Variants in BPTF observed in about 807,000 individuals in gnomAD.
The protein encoded by BPTF is nucleosome-remodeling factor subunit BPTF.
A neutral mutation model predicts 292.5 loss-of-function variants in BPTF; 18 were observed. That is an observed-to-expected ratio of 0.06 (90% CI 0.04 to 0.09). The LOEUF (loss-of-function observed/expected upper bound fraction) is 0.09. Among genes scored for constraint, BPTF ranks in the 10% least tolerant of loss-of-function variants. BPTF has a pLI of 1.00. For synonymous variants in BPTF, 1,225 were observed against 1,251.9 expected, an observed-to-expected ratio of 0.98 and a Z score of 0.45; for missense variants, 2,726 against 3,498.7, an observed-to-expected ratio of 0.78 and a Z score of 5.57.
chr17:67,906,220 A>G (rs2062181739), intron 9 of BPTF, among the ~76,000 whole-genome samples: 1 of 152,018 alleles, frequency 6.6e-6, no homozygotes, highest in South Asian at 2.1e-4. Context: ...AGCTGGGACT[A>G]AAAGTGCACA....
chr17:67,911,551 G>A lies in BPTF; in HGVS notation c.3667G>A (p.Ala1223Thr), dbSNP rs533458266. The part of the protein sequence containing the change: ...FFIDDSKLAS[A>T]DDIGTLICKN... ...CATCGATGACTCTAAACTAGCCAGT[G>A]CAGATGATATTGGTACTTTGATCTG... The change falls in exon 11 of 28, where the codon GCA (alanine) becomes ACA (threonine). Residue 1223 changes from alanine (A) to threonine (T), a missense_variant. Transcript: ENST00000306378. The A allele has an allele frequency of 3.1e-6, 5 of 1,614,148 alleles. No individual in the cohort carries two copies. The African/African-American group carries it at 4.0e-5, about 13-fold the overall frequency.
chr17:67,866,879 C>G (rs764415539), intron 3 of BPTF, among the ~76,000 whole-genome samples, 192 bp downstream of exon 3: 9 of 152,220 alleles, frequency 5.9e-5, no homozygotes, highest in Non-Finnish European at 1.0e-4. Context: ...AGTACACTTA[C>G]ACAAACCATA....
intron 26 of BPTF, among the ~76,000 whole-genome samples, chr17:67,971,136 T>C (rs1190432967): frequency 2.6e-5 from 4 of 152,154 alleles, no homozygotes; most frequent in African/African-American, 4.8e-5. Flanking sequence ...TGGAGTGCAG[T>C]GGCGCTATCT....
chr17:67,833,443 T>G (rs899858187), intron 1 of BPTF, among the ~76,000 whole-genome samples: 2 of 152,186 alleles, frequency 1.3e-5, no homozygotes, highest in Admixed American at 6.5e-5. Flanking sequence ...GTTTCCACTT[T>G]TTGGCCATTA....
intron 7 of BPTF, among the ~76,000 whole-genome samples, chr17:67,902,895 G>T (rs574321371): frequency 1.3e-5 from 2 of 152,308 alleles, no homozygotes; most frequent in Non-Finnish European, 2.9e-5. Flanking sequence ...TGCCACTAGC[G>T]CTCTTAGAGA....
intron 11 of BPTF, among the ~76,000 whole-genome samples, chr17:67,918,104 T>G (rs1340093811): frequency 6.6e-6 from 1 of 151,932 alleles, no homozygotes; most frequent in East Asian, 1.9e-4. Context: ...CGGCCCTAAG[T>G]TTTGTATTTT....
At chr17:67,919,173 AAATAATAATAATAATAAT>A (rs141658141) in intron 12 of BPTF, among the ~76,000 whole-genome samples, 2,582 of 135,520 alleles carry the variant, frequency 0.019, 68 homozygotes, top group African/African-American at 0.06. Context: ...CTCTGTCTCA[AAATAATAATAATAATAAT>A]AATAATAATA....
intron 23 of BPTF, chr17:67,956,637 A>C (rs1195092565): frequency 6.6e-6 from 1 of 151,570 alleles, no homozygotes; most frequent in Non-Finnish European, 1.5e-5. Context: ...TAAAGAAGGA[A>C]AAATAAAATT....
chr17:67,859,052 TCA>T (rs1272057455), intron 2 of BPTF, among the ~76,000 whole-genome samples: 1 of 152,220 alleles, frequency 6.6e-6, no homozygotes, highest in Non-Finnish European at 1.5e-5. Flanking sequence ...CATGTGTGCC[TCA>T]CAGTGTCCTA....
intron 5 of BPTF, chr17:67,893,088 A>G: frequency 7.9e-6 from 3 of 378,228 alleles, no homozygotes; most frequent in Non-Finnish European, 1.4e-5. Flanking sequence ...TTTCATGGGT[A>G]TATTTGAAGT....
At chr17:67,907,158 C>A (rs2062262503) in intron 9 of BPTF, among the ~76,000 whole-genome samples, 1 of 145,486 alleles carries the variant, frequency 6.9e-6, no homozygotes, top group Non-Finnish European at 1.5e-5. Flanking sequence ...GTGCTCCAGC[C>A]TGGGTGACAG....
rs764625598 is a variant in BPTF at position 67,912,621 on chromosome 17, T to C, written c.4737T>C (p.Ser1579=). 6.8e-6 allele frequency: 11 copies of C among 1,612,878 alleles called. No individual in the cohort carries two copies. Among genetic ancestry groups the C allele is most frequent in the Non-Finnish European group, 9.3e-6 (11 of 1,179,818 alleles). Residue 1579 remains serine, a synonymous_variant, in exon 11 of 28, where the codon TCT becomes TCC. Coordinates refer to ENST00000306378, the MANE Select transcript of BPTF (RefSeq NM_182641.4). The part of the protein sequence containing the change: ...INKNENVNGE[S]KRKTVITEVT... ...AAAATGAAAATGTCAATGGAGAATC[T>C]AAAAGAAAAACCGTCATCACAGAAG... is the stretch of plus-strand genomic sequence containing the variant.
intron 7 of BPTF, among the ~76,000 whole-genome samples, chr17:67,897,246 C>T (rs1239158943): frequency 6.9e-6 from 1 of 143,930 alleles, no homozygotes; most frequent in Non-Finnish European, 1.5e-5. Context: ...GAGGCTGAGG[C>T]ATGAGAATCG....
At chr17:67,927,419 A>G (rs186705754) in intron 15 of BPTF, among the ~76,000 whole-genome samples, 29 of 152,352 alleles carry the variant, frequency 1.9e-4, no homozygotes, top group African/African-American at 6.7e-4. Context: ...AGATTGTATT[A>G]TACTACTCTG....
intron 27 of BPTF, chr17:67,981,893 A>ACACACACACACACACACC (rs2070417004): frequency 5.4e-6 from 1 of 183,602 alleles, no homozygotes; most frequent in South Asian, 1.9e-4. Flanking sequence ...ACACACACAC[A>ACACACACACACACACACC]CACACACACA....
rs142300680 is a variant in BPTF at position 67,959,628 on chromosome 17, C to A, written c.8014C>A (p.Pro2672Thr). 1.9e-6 allele frequency: 3 copies of A among 1,598,642 alleles called. No individual in the cohort carries two copies. The highest frequency in any genetic ancestry group is 2.6e-6 in the Non-Finnish European group (3 of 1,174,644). The change falls in exon 24 of 28, where the codon CCA becomes ACA. Residue 2672 changes from proline to threonine, a missense_variant. By Grantham distance (38) the Pro-to-Thr change is conservative (BLOSUM62 -1). This residue lies in a region of BPTF where 148 missense variants were observed against 145.5 expected (regional missense o/e 1.02). Coordinates refer to ENST00000306378, the MANE Select transcript of BPTF (RefSeq NM_182641.4). ...CACAGCAGTAGCTGCACCCTGCCCC[C>A]CAGTGACACCAGCTCCTCCAGCCCC... ...QATAVAAPCP[P>T]VTPAPPAPPA...
At chr17:67,839,132 A>T (rs2057359293) in intron 1 of BPTF, among the ~76,000 whole-genome samples, 1 of 151,864 alleles carries the variant, frequency 6.6e-6, no homozygotes, top group African/African-American at 2.4e-5. Context: ...TGGGTAATAA[A>T]AAAAAAAGAA....
chr17:67,953,961 CTTTTTTTTTTTTTTTTTTTTTTTTTT>C (rs869063412), intron 23 of BPTF, among the ~76,000 whole-genome samples: 150 of 65,648 alleles, frequency 2.3e-3, no homozygotes, highest in African/African-American at 0.01. Context: ...CTTTTCTTTT[CTTTTTTTTTTTTTTTTTTTTTTTTTT>C]TTTTTTTTTT....
At chr17:67,974,995 T>A (rs1218597475) in intron 26 of BPTF, 2 of 152,236 alleles carry the variant, frequency 1.3e-5, no homozygotes, top group Non-Finnish European at 2.9e-5. Flanking sequence ...ACTAGGTCTT[T>A]CCGGTGACCA....
Sources: allele counts gnomAD v4.1 joint callset (sites outside exome capture counted in the v4.1 genomes callset), GRCh38; gene constraint gnomAD v4.1.1; regional missense constraint gnomAD v4.1.1; transcripts MANE v1.5; gene names NCBI Gene and HGNC (gene_info 2026-07-23, HGNC 2026-07-21).